Variants in RHOF observed in about 807,000 individuals in gnomAD.
The protein encoded by RHOF is ras homolog family member F, filopodia associated, also known as rho-related GTP-binding protein RhoF.
Under a neutral mutation model 22.2 loss-of-function variants are expected in RHOF, and 21 were observed. That is an observed-to-expected ratio of 0.95 (90% CI 0.67 to 1.36). The LOEUF (loss-of-function observed/expected upper bound fraction) is 1.36. Ranked by LOEUF, RHOF falls within the 40% of genes most tolerant of loss-of-function variation. The pLI, the probability that RHOF is intolerant of heterozygous loss-of-function variation, is 0.00. For synonymous variants in RHOF, 135 were observed against 131.2 expected, an observed-to-expected ratio of 1.03 and a Z score of -0.20; for missense variants, 285 against 293.7, an observed-to-expected ratio of 0.97 and a Z score of 0.22.
intron 2 of RHOF, among the ~76,000 whole-genome samples, chr12:121,788,295 C>T (rs973975518): frequency 1.3e-5 from 2 of 152,094 alleles, no homozygotes; most frequent in Non-Finnish European, 2.9e-5. Flanking sequence ...GAATCCTCAC[C>T]CTACTTGTCC....
Position 121,793,216 on chromosome 12 carries a change from C to T in RHOF, c.162G>A (p.Glu54=). Residue 54 remains glutamate (E), a synonymous_variant, in exon 2 of 5, where the codon GAG becomes GAA. Coordinates refer to ENST00000267205, the MANE Select transcript of RHOF (RefSeq NM_019034.3). ...CAACGGTCACGCTGGCCGTGTACTT[C>T]TCGAACACCGATGGGGCGTAGTGCT... ...FPEHYAPSVF[E]KYTASVTVGS... is the part of the protein sequence containing the mutation. The T allele has an allele frequency of 1.9e-6, 3 of 1,551,002 alleles. No homozygotes were observed. The highest frequency in any genetic ancestry group is 2.4e-5 in the East Asian group (1 of 40,908).
At chr12:121,792,613 G>A (rs1018295939) in intron 2 of RHOF, among the ~76,000 whole-genome samples, 1 of 152,238 alleles carries the variant, frequency 6.6e-6, no homozygotes, top group Non-Finnish European at 1.5e-5. Flanking sequence ...ACTGCAAGCC[G>A]TGGAATCCTG....
At chr12:121,789,411 T>C (rs908711284) in intron 2 of RHOF, among the ~76,000 whole-genome samples, 2 of 152,004 alleles carry the variant, frequency 1.3e-5, no homozygotes. Flanking sequence ...GCTATTTTCT[T>C]GGTGGGATGA....
chr12:121,777,846 C>G lies in RHOF; in HGVS notation c.*1652G>C, dbSNP rs1350508055. On this transcript the variant is annotated 3_prime_UTR_variant, in exon 5 of 5. Transcript: ENST00000267205. The stretch of plus-strand genomic sequence containing the variant: ...TTGTTGGACCTCTACCGTAGACCAT[C>G]ATGAGGCCTGGGGTTCTTCGAGAAC... 6.6e-6 allele frequency: 1 copy of G among 152,202 alleles called. No homozygotes were observed. The highest frequency in any genetic ancestry group is 1.5e-5 in the Non-Finnish European group (1 of 68,042). The allele number at this position is 152,202 out of a possible 1,614,324, so 9.4% of individuals were successfully genotyped here.
intron 4 of RHOF, chr12:121,780,588 G>A: frequency 1.9e-6 from 1 of 522,688 alleles, no homozygotes; most frequent in Non-Finnish European, 3.4e-6. Flanking sequence ...CTTCTCGCTA[G>A]CTGTGTGGCC....
At chr12:121,784,604 A>G (rs1014561828) in intron 2 of RHOF, among the ~76,000 whole-genome samples, 1 of 152,004 alleles carries the variant, frequency 6.6e-6, no homozygotes, top group Non-Finnish European at 1.5e-5. Flanking sequence ...TAGGGAAATG[A>G]TGAATACTCC....
chr12:121,780,412 T>G (rs1874406578), intron 4 of RHOF: 2 of 207,218 alleles, frequency 9.7e-6, no homozygotes, highest in Non-Finnish European at 1.9e-5. Flanking sequence ...TGCCTTTGCA[T>G]TCCTTTTATT....
chr12:121,793,170 T>A lies in RHOF; in HGVS notation c.208A>T (p.Asn70Tyr). The A allele has an allele frequency of 2.6e-6, 4 of 1,550,480 alleles. No individual in the cohort carries two copies. The highest frequency in any genetic ancestry group is 3.5e-6 in the Non-Finnish European group (4 of 1,146,796). The change falls in exon 2 of 5, where the codon AAC (asparagine) becomes TAC (tyrosine). Residue 70 changes from asparagine to tyrosine, a missense_variant. Physicochemically the swap from Asn to Tyr is moderately radical, Grantham distance 143 (BLOSUM62 -2). Coordinates refer to ENST00000267205, the MANE Select transcript of RHOF (RefSeq NM_019034.3). ...CACTCACCGGCCGTGTCGTAGAGGT[T>A]CAGGGTCACCTCCTTGCTGCCAACG... ...VTVGSKEVTL[N>Y]LYDTAGQEDY...
At chr12:121,792,769 C>A (rs948754527) in intron 2 of RHOF, among the ~76,000 whole-genome samples, 1 of 152,198 alleles carries the variant, frequency 6.6e-6, no homozygotes, top group East Asian at 1.9e-4. Flanking sequence ...CCAGGCAATC[C>A]GAGCACCAAG....
intron 2 of RHOF, among the ~76,000 whole-genome samples, chr12:121,783,917 G>A (rs1272965670): frequency 1.3e-5 from 2 of 152,014 alleles, no homozygotes; most frequent in East Asian, 1.9e-4. Flanking sequence ...ATTGCCCTTT[G>A]CATAAAATCC....
chr12:121,789,336 G>A (rs985653633), intron 2 of RHOF, among the ~76,000 whole-genome samples: 4 of 152,110 alleles, frequency 2.6e-5, no homozygotes, highest in African/African-American at 7.2e-5. Flanking sequence ...GCCGCCCATC[G>A]TCCTGACGTG....
rs1016776065 is a variant in RHOF at position 121,793,646 on chromosome 12, G to T, written c.-13C>A. 2 of 1,525,200 alleles carry T rather than the reference G, an allele frequency of 1.3e-6. No individual in the cohort carries two copies. Among genetic ancestry groups the T allele is most frequent in the Non-Finnish European group, 8.8e-7 (1 of 1,142,752 alleles). 94.5% of individuals were successfully genotyped at this position (1,525,200 alleles called of 1,614,324 possible). A position where few individuals can be genotyped will look rare whatever the true frequency, so the allele number is the denominator to read the frequency against. On this transcript the variant is annotated 5_prime_UTR_variant, in exon 1 of 5. Coordinates refer to ENST00000267205, the MANE Select transcript of RHOF (RefSeq NM_019034.3). ...CGGGGGCATCCATTGCCCGGAGCCC[G>T]CAGCACTGGCGGCGGCGCGCCGGGC...
chr12:121,781,164 G>C lies in RHOF; in HGVS notation c.255C>G (p.Pro85=), dbSNP rs923255605. Residue 85 remains proline, a synonymous_variant, in exon 3 of 5, where the codon CCC becomes CCG. Transcript: ENST00000267205. ...CGAGGTGGGTGTTCTGGTAGGACAG[G>C]GGCCGCAGCCGGTCATAGTCTTCTT... The part of the protein sequence containing the change: ...AGQEDYDRLR[P]LSYQNTHLVL... 6.2e-7 allele frequency: 1 copy of C among 1,614,206 alleles called. No individual in the cohort carries two copies. The highest frequency in any genetic ancestry group is 8.5e-7 in the Non-Finnish European group (1 of 1,180,040).
chr12:121,788,510 C>T (rs1874672701), intron 2 of RHOF, among the ~76,000 whole-genome samples: 1 of 152,122 alleles, frequency 6.6e-6, no homozygotes, highest in Non-Finnish European at 1.5e-5. Context: ...GGACTACTTC[C>T]GTGTGCACCA....
At chr12:121,786,858 G>A (rs1874621830) in intron 2 of RHOF, among the ~76,000 whole-genome samples, 1 of 152,074 alleles carries the variant, frequency 6.6e-6, no homozygotes, top group Non-Finnish European at 1.5e-5. Flanking sequence ...CCAACATGGT[G>A]AAACCCTGTC....
chr12:121,784,966 T>C (rs2137500098), intron 2 of RHOF, among the ~76,000 whole-genome samples: 1 of 152,322 alleles, frequency 6.6e-6, no homozygotes, highest in South Asian at 2.1e-4. Flanking sequence ...TTTTTCTATA[T>C]GTACACACCT....
chr12:121,793,318 C>A lies in RHOF; in HGVS notation c.139-79G>T, dbSNP rs1443263953. 1.6e-5 allele frequency: 23 copies of A among 1,455,940 alleles called. 1 individual carries two copies. The Admixed American group carries it at 4.1e-4, about 26-fold the overall frequency. The allele number at this position is 1,455,940 out of a possible 1,614,324, so 90.2% of individuals were successfully genotyped here. A position where few individuals can be genotyped will look rare whatever the true frequency, so the allele number is the denominator to read the frequency against. ...TCCAGCTGAATCCACTGTCCACCCC[C>A]CTCACTCGTCCCGGATCAGCCCCCC... On this transcript the variant is annotated intron_variant, in intron 1 of 4. Transcript: ENST00000267205.
chr12:121,791,434 C>T (rs779653893), intron 2 of RHOF, among the ~76,000 whole-genome samples: 12 of 152,160 alleles, frequency 7.9e-5, no homozygotes, highest in Non-Finnish European at 5.9e-5. Flanking sequence ...CCCAATGATA[C>T]GTAGCCAATA....
At chr12:121,785,707 T>C (rs1327476335) in intron 2 of RHOF, among the ~76,000 whole-genome samples, 6 of 151,850 alleles carry the variant, frequency 4.0e-5, no homozygotes, top group Admixed American at 2.0e-4. Flanking sequence ...GCCTCCCGGG[T>C]TCAAGCGATT....
Sources: gnomAD v4.1 joint callset for allele counts (sites outside exome capture counted in the v4.1 genomes callset) on GRCh38, gnomAD v4.1.1 for gene constraint, MANE v1.5 for transcripts, NCBI Gene and HGNC (gene_info 2026-07-23, HGNC 2026-07-21) for gene names.